Variants in WSCD1 observed in about 807,000 individuals in gnomAD.
WSCD1 encodes WSC domain sialate O sulfotransferase 1.
A neutral mutation model predicts 60.4 loss-of-function variants in WSCD1; 41 were observed. That is an observed-to-expected ratio of 0.68 (90% CI 0.53 to 0.88). The LOEUF (loss-of-function observed/expected upper bound fraction) is 0.88, where lower values mean the gene tolerates loss of function less well. Ranked by LOEUF, WSCD1 falls within the 40% of genes least tolerant of loss-of-function variation. The probability of loss-of-function intolerance (pLI) is 0.00; values close to 1 mark genes in which losing one functional copy is unlikely to be tolerated. For synonymous variants in WSCD1, 361 were observed against 332.5 expected (o/e 1.09, Z -0.93); for missense variants, 784 against 796.2 (o/e 0.98, Z 0.18).
Position 6,121,821 on chromosome 17 carries a change from A to G in WSCD1, c.*1160A>G, listed in dbSNP as rs563556109. The G allele has an allele frequency of 2.4e-3, 369 of 152,294 alleles. 2 individuals carry two copies. Among genetic ancestry groups the G allele is most frequent in the Non-Finnish European group, 4.1e-3 (276 of 68,108 alleles). The allele number at this position is 152,294 out of a possible 1,614,324, so 9.4% of individuals were successfully genotyped here. ...CCTGGGATGGGGGTCAATGTATGCT[A>G]CACATCTTGGGCTCACAAGTGAGGC... is the stretch of plus-strand genomic sequence containing the variant. On this transcript the variant is annotated 3_prime_UTR_variant, in exon 9 of 9. Transcript: ENST00000317744.
chr17:6,088,983 T>C (rs1197825576), intron 3 of WSCD1, among the ~76,000 whole-genome samples: 2 of 151,938 alleles, frequency 1.3e-5, no homozygotes, highest in Non-Finnish European at 2.9e-5. Flanking sequence ...GGGGTTTCAC[T>C]GTGTTAGCCA....
rs953787320 is a variant in WSCD1 at position 6,124,130 on chromosome 17, A to G, written c.*3469A>G. On this transcript the variant is annotated 3_prime_UTR_variant, in exon 9 of 9. Coordinates refer to ENST00000317744, the MANE Select transcript of WSCD1 (RefSeq NM_015253.2). Reference sequence around the variant, plus strand: ...AGGTATGATCTTGTGAGTTAAGACAATGAAGCCAGAGGGAATTTCAAGACT... The same window carrying G: ...AGGTATGATCTTGTGAGTTAAGACAGTGAAGCCAGAGGGAATTTCAAGACT... 6.6e-6 allele frequency: 1 copy of G among 152,222 alleles called. No individual in the cohort carries two copies. Among genetic ancestry groups the G allele is most frequent in the African/African-American group, 2.4e-5 (1 of 41,456 alleles). The allele number at this position is 152,222 out of a possible 1,614,324, so 9.4% of individuals were successfully genotyped here. A position where few individuals can be genotyped will look rare whatever the true frequency, so the allele number is the denominator to read the frequency against.
intron 5 of WSCD1, among the ~76,000 whole-genome samples, chr17:6,098,163 G>GGT (rs1555528092): frequency 2.7e-5 from 4 of 146,828 alleles, no homozygotes; most frequent in African/African-American, 9.9e-5. Context: ...GGGTGGGGGG[G>GGT]GTCTCACCAA....
intron 1 of WSCD1, among the ~76,000 whole-genome samples, chr17:6,074,230 CA>C (rs1456055246): frequency 5.3e-5 from 8 of 152,292 alleles, no homozygotes; most frequent in African/African-American, 1.9e-4. Context: ...TTCAAACTCT[CA>C]AGAGATTTGC....
intron 7 of WSCD1, among the ~76,000 whole-genome samples, chr17:6,111,254 C>G (rs922775198): frequency 6.6e-6 from 1 of 152,154 alleles, no homozygotes; most frequent in Non-Finnish European, 1.5e-5. Flanking sequence ...TACTCCACCA[C>G]CCAGAACCAA....
intron 1 of WSCD1, among the ~76,000 whole-genome samples, chr17:6,077,501 T>C (rs1050672216): frequency 1.3e-5 from 2 of 152,172 alleles, no homozygotes; most frequent in African/African-American, 4.8e-5. Context: ...GCCATGGAAA[T>C]CTGGCCTGCA....
At chr17:6,107,627 G>A (rs1221337618) in intron 5 of WSCD1, among the ~76,000 whole-genome samples, 1 of 152,218 alleles carries the variant, frequency 6.6e-6, no homozygotes, top group Non-Finnish European at 1.5e-5. Flanking sequence ...CATGGACAGA[G>A]GTACCTGAGA....
Position 6,120,487 on chromosome 17 carries a change from C to T in WSCD1, c.1554C>T (p.Leu518=), listed in dbSNP as rs201738182. Residue 518 remains leucine, a synonymous_variant, in exon 9 of 9, where the codon CTC becomes CTT. Coordinates refer to ENST00000317744, the MANE Select transcript of WSCD1 (RefSeq NM_015253.2). ...TGTCTGTGAGCGAGGAGCGGCTGCTCTGCGTGGAGAACAACAAGGAGGGCA... is the reference window on the plus strand; with the variant it reads ...TGTCTGTGAGCGAGGAGCGGCTGCTTTGCGTGGAGAACAACAAGGAGGGCA... ...LNVSVSEERL[L]CVENNKEGSF... is the part of the protein sequence containing the mutation. 6.2e-7 allele frequency: 1 copy of T among 1,613,990 alleles called. No individual in the cohort carries two copies. The highest frequency in any genetic ancestry group is 8.5e-7 in the Non-Finnish European group (1 of 1,180,022).
intron 2 of WSCD1, 34 bp downstream of exon 2, chr17:6,081,119 C>T: frequency 6.6e-7 from 1 of 1,506,556 alleles, no homozygotes; most frequent in Non-Finnish European, 8.9e-7. Flanking sequence ...GGAGCTGTTC[C>T]CAGGACCCCC....
intron 1 of WSCD1, among the ~76,000 whole-genome samples, chr17:6,073,584 C>G (rs1288455859): frequency 6.6e-6 from 1 of 152,222 alleles, no homozygotes; most frequent in Non-Finnish European, 1.5e-5. Context: ...GAGCCAAGAT[C>G]ATGCCACTAC....
chr17:6,106,289 C>T (rs1911082152), intron 5 of WSCD1, among the ~76,000 whole-genome samples: 1 of 152,080 alleles, frequency 6.6e-6, no homozygotes, highest in South Asian at 2.1e-4. Context: ...CTTTTTTGGA[C>T]CAAAGGCTTG....
rs183187553 is a variant in WSCD1, at chr17:6,072,563, G to T, written c.-289+1911G>T. Among the ~76,000 whole-genome samples, 20 of 152,338 alleles carry T rather than the reference G, an allele frequency of 1.3e-4. No individual in the cohort carries two copies. The East Asian group carries it at 3.7e-3, about 28-fold the overall frequency. On this transcript the variant is annotated intron_variant, in intron 1 of 8. Transcript: ENST00000317744. Reference sequence around the variant, plus strand: ...ACTCTTTCTCTGGAGGTACAATGAGGTCAAGGCCAAGGACTTTGGGGCAGC... The same window carrying T: ...ACTCTTTCTCTGGAGGTACAATGAGTTCAAGGCCAAGGACTTTGGGGCAGC...
intron 1 of WSCD1, among the ~76,000 whole-genome samples, chr17:6,079,251 G>A (rs1474574860): frequency 6.6e-6 from 1 of 150,652 alleles, no homozygotes; most frequent in Non-Finnish European, 1.5e-5. Flanking sequence ...TTGAGTGGCT[G>A]CACAGGCCTG....
chr17:6,077,896 C>T (rs1034913587), intron 1 of WSCD1: 1 of 152,250 alleles, frequency 6.6e-6, no homozygotes, highest in Non-Finnish European at 1.5e-5. Context: ...GACCTGGAGA[C>T]CCCTCCTCAT....
rs758614809 is a variant in WSCD1, at chr17:6,105,530, G to T, written c.850-4077G>T. On this transcript the variant is annotated intron_variant, in intron 5 of 8. Transcript: ENST00000317744. Reference sequence around the variant, plus strand: ...AATCATGTCCTAGAAATCCCCAAGGGGCTGAAAATTGTACTGTGTTTTCAG... The same window carrying T: ...AATCATGTCCTAGAAATCCCCAAGGTGCTGAAAATTGTACTGTGTTTTCAG... Among the ~76,000 whole-genome samples, 145 of 152,226 alleles carry T rather than the reference G, an allele frequency of 9.5e-4. 3 individuals carry two copies. Among genetic ancestry groups the T allele is most frequent in the Non-Finnish European group, 2.2e-4 (15 of 68,016 alleles).
chr17:6,108,124 A>G (rs903480397), intron 5 of WSCD1, among the ~76,000 whole-genome samples: 2 of 152,088 alleles, frequency 1.3e-5, no homozygotes, highest in African/African-American at 4.8e-5. Flanking sequence ...ACTCCCTCCA[A>G]AGATACCTGC....
Position 6,123,835 on chromosome 17 carries a change from G to A in WSCD1, c.*3174G>A, listed in dbSNP as rs973890169. 1 of 152,200 alleles carries A rather than the reference G, an allele frequency of 6.6e-6. No homozygotes were observed. The highest frequency in any genetic ancestry group is 2.4e-5 in the African/African-American group (1 of 41,450). 9.4% of individuals were successfully genotyped at this position (152,200 alleles called of 1,614,324 possible). A position where few individuals can be genotyped will look rare whatever the true frequency, so the allele number is the denominator to read the frequency against. ...GAGTGGAAATAATGTAGAGTCGTCA[G>A]ACTGAAAGGCCAGGTTGTAGTCCCA... On this transcript the variant is annotated 3_prime_UTR_variant, in exon 9 of 9. Coordinates refer to ENST00000317744, the MANE Select transcript of WSCD1 (RefSeq NM_015253.2).
chr17:6,107,370 G>A lies in WSCD1; in HGVS notation c.850-2237G>A, dbSNP rs539536399. 5.9e-3 allele frequency among the ~76,000 whole-genome samples: 897 copies of A among 151,996 alleles called. 12 individuals carry two copies. The highest frequency in any genetic ancestry group is 0.031 in the Middle Eastern group (9 of 294). ...ACAAAAAGTAGCCAGGCATGGTGGTGGCTACCTGTAATCCCGGCTATTCAG... is the reference window on the plus strand; with the variant it reads ...ACAAAAAGTAGCCAGGCATGGTGGTAGCTACCTGTAATCCCGGCTATTCAG... On this transcript the variant is annotated intron_variant, in intron 5 of 8. Transcript: ENST00000317744.
At chr17:6,091,401 C>T (rs1365960848) in intron 4 of WSCD1, among the ~76,000 whole-genome samples, 8 of 152,080 alleles carry the variant, frequency 5.3e-5, no homozygotes, top group African/African-American at 1.7e-4. Context: ...GCTGTGTGGC[C>T]GTGGGGCTCA....
Sources: allele counts gnomAD v4.1 joint callset (sites outside exome capture counted in the v4.1 genomes callset), GRCh38; gene constraint gnomAD v4.1.1; transcripts MANE v1.5; gene names NCBI Gene and HGNC (gene_info 2026-07-23, HGNC 2026-07-21).